The following KANSL1 variants were observed in gnomAD, a reference collection of about 807,000 sequenced individuals.
KANSL1 encodes the protein MLL1/MLL complex subunit KANSL1.
KANSL1 carries 22 observed loss-of-function variants against 103.6 expected under a neutral mutation model. The observed-to-expected ratio is 0.21, with a 90% CI of 0.15 to 0.30. The LOEUF (loss-of-function observed/expected upper bound fraction) is 0.30, where lower values mean the gene tolerates loss of function less well. Among genes scored for constraint, KANSL1 ranks in the 10% least tolerant of loss-of-function variants. KANSL1 has a pLI of 1.00. For synonymous variants in KANSL1, 600 were observed against 527.6 expected (o/e 1.14, Z -1.88); for missense variants, 1,337 against 1,399.8 (o/e 0.96, Z 0.72).
intron 6 of KANSL1, among the ~76,000 whole-genome samples, chr17:46,059,154 A>T (rs1170569364): frequency 6.6e-6 from 1 of 152,190 alleles, no homozygotes. Flanking sequence ...TTATCAATAA[A>T]AAGAGGACAG....
chr17:46,149,858 CAAA>C (rs67220813), intron 2 of KANSL1, among the ~76,000 whole-genome samples: 1 of 137,296 alleles, frequency 7.3e-6, no homozygotes. Flanking sequence ...ACTAAAAATA[CAAA>C]AAAAAAAAAA....
At position 46,171,625 on chromosome 17, in the gene KANSL1, G is replaced by A. The variant is rs781028719; in HGVS notation, c.519C>T (p.Ser173=). 7 of 1,571,632 alleles carry A rather than the reference G, an allele frequency of 4.5e-6. No individual in the cohort carries two copies. Among genetic ancestry groups the A allele is most frequent in the Non-Finnish European group, 6.0e-6 (7 of 1,162,942 alleles). The change falls in exon 2 of 15, where the codon TCC becomes TCT. Residue 173 remains serine (S), a synonymous_variant. Coordinates refer to ENST00000432791, the MANE Select transcript of KANSL1 (RefSeq NM_015443.4). ...KSSTHSDHDN[S]TSLNGGKRAL... ...CCCGTTTTCCCCCATTGAGGGAAGTGGAATTGTCATGATCAGAATGTGTTG... is the reference window on the plus strand; with the variant it reads ...CCCGTTTTCCCCCATTGAGGGAAGTAGAATTGTCATGATCAGAATGTGTTG...
intron 7 of KANSL1, chr17:46,042,303 C>T (rs1381460658): frequency 6.6e-6 from 1 of 152,150 alleles, no homozygotes; most frequent in Non-Finnish European, 1.5e-5. Context: ...AGGGAAGAGA[C>T]GTCTAAATTA....
chr17:46,087,121 T>C (rs774626883), intron 3 of KANSL1, among the ~76,000 whole-genome samples: 3 of 152,102 alleles, frequency 2.0e-5, no homozygotes, highest in African/African-American at 4.8e-5. Flanking sequence ...GCTTACAAGA[T>C]AGGAGGGAAA....
intron 2 of KANSL1, among the ~76,000 whole-genome samples, chr17:46,113,613 T>C (rs912893654): frequency 4.2e-4 from 64 of 151,306 alleles, no homozygotes; most frequent in Middle Eastern, 3.4e-3. Flanking sequence ...AGTTCTCTCA[T>C]CCAAAAAACT....
chr17:46,148,698 T>C (rs1239736220), intron 2 of KANSL1, among the ~76,000 whole-genome samples: 3 of 152,004 alleles, frequency 2.0e-5, no homozygotes, highest in Non-Finnish European at 4.4e-5. Context: ...TTGATTCTCC[T>C]GCCTCAGCCT....
chr17:46,155,401 G>A (rs865938874), intron 2 of KANSL1, among the ~76,000 whole-genome samples: 6 of 152,074 alleles, frequency 3.9e-5, no homozygotes, highest in East Asian at 1.9e-4. Flanking sequence ...CAAATGATTC[G>A]CCCACCTCGG....
intron 1 of KANSL1, among the ~76,000 whole-genome samples, chr17:46,215,566 A>AT (rs2048314804): frequency 6.6e-6 from 1 of 152,234 alleles, no homozygotes; most frequent in South Asian, 2.1e-4. Flanking sequence ...GAGAAGTAGG[A>AT]TGACTAGGAA....
chr17:46,213,808 C>G (rs2148034674), intron 1 of KANSL1, among the ~76,000 whole-genome samples: 1 of 152,070 alleles, frequency 6.6e-6, no homozygotes, highest in East Asian at 2.0e-4. Context: ...GTCCGAGATA[C>G]TCAGGAGGCT....
Position 46,201,565 on chromosome 17 carries a change from A to T in KANSL1, c.-90+22106T>A, listed in dbSNP as rs2047805349. On this transcript the variant is annotated intron_variant, in intron 1 of 14. Transcript: ENST00000572904. ...AAACACTGTTTATTTCAAGAACAAA[A>T]TTATTTTAAATTTTGTATAAAACTG... Among the ~76,000 whole-genome samples, 4 of 152,176 alleles carry T rather than the reference A, an allele frequency of 2.6e-5. No individual in the cohort carries two copies. In the South Asian group the frequency reaches 8.3e-4, roughly 31 times the overall value.
At chr17:46,157,441 T>C (rs1298777291) in intron 2 of KANSL1, among the ~76,000 whole-genome samples, 8 of 152,252 alleles carry the variant, frequency 5.3e-5, no homozygotes, top group Non-Finnish European at 1.2e-4. Context: ...AACATTGCTT[T>C]GGACATTATG....
chr17:46,039,304 C>G (rs1317900489), intron 8 of KANSL1, 89 bp from the exon 9 acceptor site: 115 of 1,238,670 alleles, frequency 9.3e-5, no homozygotes, highest in Non-Finnish European at 1.2e-4. Flanking sequence ...TCTCTCTAGG[C>G]CAACGCCGTA....
At chr17:46,165,580 A>G (rs2045955994) in intron 2 of KANSL1, among the ~76,000 whole-genome samples, 1 of 150,720 alleles carries the variant, frequency 6.6e-6, no homozygotes, top group Admixed American at 6.6e-5. Context: ...CTGAGATTTC[A>G]GCTCACTGCA....
chr17:46,150,988 G>C (rs2045065241), intron 2 of KANSL1, among the ~76,000 whole-genome samples: 1 of 145,992 alleles, frequency 6.8e-6, no homozygotes, highest in African/African-American at 2.5e-5. Context: ...AAAGAATAAA[G>C]ACATGAGCAG....
rs890725705 is a variant in KANSL1, at chr17:46,192,888, C to G, written c.-155G>C. 6.6e-6 allele frequency: 1 copy of G among 152,602 alleles called. No individual in the cohort carries two copies. The highest frequency in any genetic ancestry group is 2.1e-4 in the South Asian group (1 of 4,838). The allele number at this position is 152,602 out of a possible 1,614,324, so 9.5% of individuals were successfully genotyped here. On this transcript the variant is annotated 5_prime_UTR_variant, in exon 1 of 15. Transcript: ENST00000432791. ...CAAAATGGGCGCAGTTTGCAAACAGCCCCCCGGCCTGGGCGCCGAGGGCCA... is the reference window on the plus strand; with the variant it reads ...CAAAATGGGCGCAGTTTGCAAACAGGCCCCCGGCCTGGGCGCCGAGGGCCA...
chr17:46,214,368 T>C (rs2957296), intron 1 of KANSL1, among the ~76,000 whole-genome samples: 3 of 152,066 alleles, frequency 2.0e-5, no homozygotes, highest in Non-Finnish European at 2.9e-5. Flanking sequence ...GAGCAAGCAG[T>C]GATGGCCGGG....
intron 2 of KANSL1, among the ~76,000 whole-genome samples, chr17:46,105,906 G>GAGACAGAC (rs778730504): frequency 1.1e-5 from 1 of 95,182 alleles, no homozygotes; most frequent in African/African-American, 4.6e-5. Flanking sequence ...GCAAGGCCTT[G>GAGACAGAC]ACACACACAC....
intron 2 of KANSL1, among the ~76,000 whole-genome samples, chr17:46,165,645 G>A (rs1433195158): frequency 6.6e-6 from 1 of 151,852 alleles, no homozygotes; most frequent in Non-Finnish European, 1.5e-5. Context: ...CAAGTAGCTG[G>A]GATTAAAGGC....
At chr17:46,142,793 G>A (rs1171539340) in intron 2 of KANSL1, among the ~76,000 whole-genome samples, 1 of 152,198 alleles carries the variant, frequency 6.6e-6, no homozygotes, top group African/African-American at 2.4e-5. Context: ...TACACTGCTG[G>A]TATGACTACA....
Sources: gnomAD v4.1 joint callset for allele counts (sites outside exome capture counted in the v4.1 genomes callset) on GRCh38, gnomAD v4.1.1 for gene constraint, MANE v1.5 for transcripts, NCBI Gene and HGNC (gene_info 2026-07-23, HGNC 2026-07-21) for gene names.